Variants in PDS5B observed in about 807,000 individuals in gnomAD.
PDS5B encodes PDS5 cohesin associated factor B, also known as sister chromatid cohesion protein PDS5 homolog B.
PDS5B carries 51 observed loss-of-function variants against 184.1 expected under a neutral mutation model. The ratio of observed to expected loss-of-function variants is 0.28; its 90% CI spans 0.22 to 0.35. PDS5B has a LOEUF of 0.35. PDS5B is among the 10% of genes least tolerant of loss of function. The pLI, the probability that PDS5B is intolerant of heterozygous loss-of-function variation, is 1.00. For synonymous variants in PDS5B, 566 were observed against 569.2 expected (o/e 0.99, Z 0.08); for missense variants, 1,180 against 1,723.3 (o/e 0.68, Z 5.58).
At chr13:32,732,072 ATTG>A in intron 19 of PDS5B, 26 bp from the exon 20 acceptor site, 1 of 1,568,564 alleles carries the variant, frequency 6.4e-7, no homozygotes, top group Non-Finnish European at 8.7e-7. Flanking sequence ...TTTCTGGTTT[ATTG>A]TTTTTCTTTG....
intron 1 of PDS5B, among the ~76,000 whole-genome samples, chr13:32,629,971 AAAAAG>A (rs1343963374): frequency 1.3e-5 from 2 of 152,246 alleles, no homozygotes; most frequent in African/African-American, 4.8e-5. Context: ...AATGAAAGCC[AAAAAG>A]AAAAGAAAGA....
At chr13:32,591,599 G>A (rs78868030) in intron 1 of PDS5B, among the ~76,000 whole-genome samples, 11,329 of 152,174 alleles carry the variant, frequency 0.074, 512 homozygotes, top group East Asian at 0.19. Flanking sequence ...TTGACCAGCA[G>A]CGTATGAGAA....
intron 1 of PDS5B, among the ~76,000 whole-genome samples, chr13:32,617,632 C>G (rs773276117): frequency 6.6e-6 from 1 of 152,128 alleles, no homozygotes; most frequent in Non-Finnish European, 1.5e-5. Flanking sequence ...ATTTCTGTTT[C>G]CCTTGCTGTT....
chr13:32,672,470 G>A (rs1324337257), intron 7 of PDS5B, among the ~76,000 whole-genome samples: 1 of 152,152 alleles, frequency 6.6e-6, no homozygotes, highest in African/African-American at 2.4e-5. Context: ...GTATGAGAGG[G>A]AATTTATTAG....
chr13:32,746,045 G>A lies in PDS5B; in HGVS notation c.2681G>A (p.Cys894Tyr). 1 of 1,613,344 alleles carries A rather than the reference G, an allele frequency of 6.2e-7. No individual in the cohort carries two copies. The highest frequency in any genetic ancestry group is 8.5e-7 in the Non-Finnish European group (1 of 1,179,350). Reference protein sequence around the residue: ...SAIVKLAQEPCYHEIITLEQY... With the variant: ...SAIVKLAQEPYYHEIITLEQY... Reference sequence around the variant, plus strand: ...ATTGTGAAGCTGGCACAAGAACCCTGTTACCATGAAATCATCACATTAGAA... The same window carrying A: ...ATTGTGAAGCTGGCACAAGAACCCTATTACCATGAAATCATCACATTAGAA... Residue 894 changes from cysteine to tyrosine, a missense_variant, in exon 24 of 35, where the codon TGT (cysteine) becomes TAT (tyrosine). Cys to Tyr is a radical substitution (Grantham distance 194). Transcript: ENST00000315596.
intron 1 of PDS5B, among the ~76,000 whole-genome samples, chr13:32,593,281 T>G (rs1035415597): frequency 1.3e-5 from 2 of 152,240 alleles, no homozygotes; most frequent in Admixed American, 1.3e-4. Context: ...CACCAACCCC[T>G]GTGCAGTTGA....
chr13:32,736,849 C>G (rs1049928515), intron 21 of PDS5B, among the ~76,000 whole-genome samples: 1 of 151,806 alleles, frequency 6.6e-6, no homozygotes, highest in Admixed American at 6.6e-5. Flanking sequence ...TTTTTTCTGA[C>G]CTATCTTTGA....
intron 1 of PDS5B, among the ~76,000 whole-genome samples, chr13:32,596,079 G>A (rs1385854928): frequency 1.3e-5 from 2 of 152,142 alleles, no homozygotes; most frequent in Non-Finnish European, 1.5e-5. Flanking sequence ...TTATTGAGGT[G>A]TAATTAAAAT....
At chr13:32,607,242 G>A (rs1240413918) in intron 1 of PDS5B, among the ~76,000 whole-genome samples, 3 of 152,208 alleles carry the variant, frequency 2.0e-5, no homozygotes, top group Non-Finnish European at 4.4e-5. Flanking sequence ...GGGTTTTGGT[G>A]TGGATGTCCT....
At chr13:32,741,177 T>A in intron 22 of PDS5B, 29 bp downstream of exon 22, 1 of 1,139,946 alleles carries the variant, frequency 8.8e-7, no homozygotes, top group Non-Finnish European at 1.3e-6. Context: ...TCTATTGATT[T>A]TAATATAATC....
rs560784393 is a variant in PDS5B, at chr13:32,760,168, G to A, written c.3373-407G>A. On this transcript the variant is annotated intron_variant, in intron 29 of 34. Coordinates refer to ENST00000315596, the MANE Select transcript of PDS5B (RefSeq NM_015032.4). ...GACGGGGTTTCACTGTGTTAGCCAG[G>A]ATGGTCTCGATCTCCTGACCTCGTG... Among the ~76,000 whole-genome samples the A allele has an allele frequency of 2.0e-5, 3 of 152,258 alleles. No homozygotes were observed. In the East Asian group the frequency reaches 5.8e-4, roughly 29 times the overall value.
intron 3 of PDS5B, among the ~76,000 whole-genome samples, chr13:32,654,803 A>G (rs9596035): frequency 0.38 from 58,289 of 151,898 alleles, 11,641 homozygotes; most frequent in Non-Finnish European, 0.44. Context: ...CTCTTCCTGC[A>G]TTTGTTTGCT....
intron 33 of PDS5B, among the ~76,000 whole-genome samples, chr13:32,772,123 T>G (rs1303495261): frequency 6.6e-6 from 1 of 152,186 alleles, no homozygotes; most frequent in Non-Finnish European, 1.5e-5. Context: ...TCATGTTATT[T>G]CTATAGTTTC....
chr13:32,732,985 C>G (rs2140952952), intron 20 of PDS5B, among the ~76,000 whole-genome samples: 1 of 152,092 alleles, frequency 6.6e-6, no homozygotes, highest in African/African-American at 2.4e-5. Context: ...TGTTAAAGAC[C>G]TGAAGGAGAA....
At chr13:32,623,808 C>CT (rs1185417644) in intron 1 of PDS5B, among the ~76,000 whole-genome samples, 3 of 150,522 alleles carry the variant, frequency 2.0e-5, no homozygotes, top group South Asian at 2.1e-4. Context: ...TAATCTATTC[C>CT]TTTTTTTTGC....
chr13:32,732,953 T>G (rs1953177076), intron 20 of PDS5B, among the ~76,000 whole-genome samples: 1 of 152,130 alleles, frequency 6.6e-6, no homozygotes, highest in Non-Finnish European at 1.5e-5. Context: ...AGTTGGTACT[T>G]TTGTCATATT....
At chr13:32,736,100 C>A (rs1953319241) in intron 21 of PDS5B, among the ~76,000 whole-genome samples, 2 of 152,106 alleles carry the variant, frequency 1.3e-5, no homozygotes, top group Admixed American at 1.3e-4. Flanking sequence ...TTCAGTATAG[C>A]ACAAGGAACT....
intron 31 of PDS5B, among the ~76,000 whole-genome samples, chr13:32,766,280 TATTA>T (rs1954585561): frequency 6.6e-6 from 1 of 152,248 alleles, no homozygotes; most frequent in African/African-American, 2.4e-5. Context: ...ACATGGTTTT[TATTA>T]ATTCTTAATA....
intron 19 of PDS5B, among the ~76,000 whole-genome samples, chr13:32,715,539 G>A (rs577485065): frequency 6.6e-6 from 1 of 152,280 alleles, no homozygotes. Flanking sequence ...ATGTAAATAA[G>A]TTCAAGATGA....
Sources: allele counts gnomAD v4.1 joint callset (sites outside exome capture counted in the v4.1 genomes callset), GRCh38; gene constraint gnomAD v4.1.1; transcripts MANE v1.5; gene names NCBI Gene and HGNC (gene_info 2026-07-23, HGNC 2026-07-21).